NAALADL2: variants seen among roughly 807,000 people sequenced by gnomAD.
The protein encoded by NAALADL2 is inactive N-acetylated-alpha-linked acidic dipeptidase-like protein 2.
Under a neutral mutation model 87.2 loss-of-function variants are expected in NAALADL2, and 76 were observed. The observed-to-expected ratio is 0.87, with a 90% CI of 0.72 to 1.05. The LOEUF is 1.05. Ranked by LOEUF, NAALADL2 falls within the 50% of genes least tolerant of loss-of-function variation. NAALADL2 has a pLI of 0.00. For missense variants in NAALADL2, 1,089 were observed against 945.8 expected (o/e 1.15, Z -1.99); for synonymous variants, 354 against 331.0 (o/e 1.07, Z -0.75).
chr3:175,519,628 G>C (rs776592446), intron 9 of NAALADL2, among the ~76,000 whole-genome samples: 1 of 152,100 alleles, frequency 6.6e-6, no homozygotes, highest in Non-Finnish European at 1.5e-5. Flanking sequence ...GATCTGACTT[G>C]TACATTAATC....
intron 2 of NAALADL2, among the ~76,000 whole-genome samples, chr3:174,615,592 G>A (rs1720379914): frequency 6.6e-6 from 1 of 152,034 alleles, no homozygotes; most frequent in South Asian, 2.1e-4. Context: ...AATCTGGTTT[G>A]CTTTTCTTAG....
intron 5 of NAALADL2, among the ~76,000 whole-genome samples, chr3:175,424,780 C>T (rs1035731868): frequency 1.3e-5 from 2 of 152,068 alleles, no homozygotes; most frequent in African/African-American, 4.8e-5. Flanking sequence ...TATGTGCCCT[C>T]ATAGTCTTAA....
Position 174,562,213 on chromosome 3 carries a change from A to G in NAALADL2, c.-115+11576A>G, listed in dbSNP as rs1445110335. ...TTTCTACTTAACTCAACTATTAGGCATTATAGGAAGAAGGCATTTTAAAGC... is the reference window on the plus strand; with the variant it reads ...TTTCTACTTAACTCAACTATTAGGCGTTATAGGAAGAAGGCATTTTAAAGC... On this transcript the variant is annotated intron_variant, in intron 2 of 3. Transcript: ENST00000434257. Among the ~76,000 whole-genome samples the G allele has an allele frequency of 2.0e-5, 3 of 152,196 alleles. No homozygotes were observed. In the East Asian group the frequency reaches 5.8e-4, roughly 29 times the overall value.
chr3:174,866,809 AG>A lies in NAALADL2; in HGVS notation c.43+7360del, dbSNP rs1329809175. Among the ~76,000 whole-genome samples the A allele has an allele frequency of 1.3e-3, 203 of 151,962 alleles. 1 individual carries two copies. The highest frequency in any genetic ancestry group is 0.01 in the Middle Eastern group (3 of 294). ...TAGGTAAATAGGAATTTGGAGAAAA[AG>A]AAAAAAATTACTAAGAAAATATTAA... On this transcript the variant is annotated intron_variant, in intron 1 of 13. Transcript: ENST00000454872.
At chr3:175,523,290 G>A (rs888066132) in intron 9 of NAALADL2, among the ~76,000 whole-genome samples, 1 of 152,146 alleles carries the variant, frequency 6.6e-6, no homozygotes, top group African/African-American at 2.4e-5. Flanking sequence ...CAGAAATGCT[G>A]CTAAATATTC....
At chr3:174,742,146 T>A (rs1467977269) in intron 3 of NAALADL2, among the ~76,000 whole-genome samples, 1 of 151,708 alleles carries the variant, frequency 6.6e-6, no homozygotes, top group Non-Finnish European at 1.5e-5. Context: ...ACATTTTAAA[T>A]AAAACTCTTT....
intron 9 of NAALADL2, among the ~76,000 whole-genome samples, chr3:175,523,378 C>G (rs1013092105): frequency 1.3e-5 from 2 of 152,104 alleles, no homozygotes; most frequent in African/African-American, 4.8e-5. Flanking sequence ...AGTTTAGAAA[C>G]CTTGCTGTAG....
At chr3:175,255,880 T>C (rs1395043096) in intron 3 of NAALADL2, among the ~76,000 whole-genome samples, 2 of 152,172 alleles carry the variant, frequency 1.3e-5, no homozygotes, top group Non-Finnish European at 2.9e-5. Flanking sequence ...ACAGGTTGTA[T>C]TCTGCACGAC....
At chr3:175,670,519 A>AC (rs1733838971) in intron 11 of NAALADL2, among the ~76,000 whole-genome samples, 1 of 147,290 alleles carries the variant, frequency 6.8e-6, no homozygotes, top group Admixed American at 6.8e-5. Flanking sequence ...TTAAATTTAT[A>AC]TTAAATGTAA....
intron 7 of NAALADL2, among the ~76,000 whole-genome samples, chr3:175,466,626 T>A (rs1724064217): frequency 6.6e-6 from 1 of 152,202 alleles, no homozygotes; most frequent in Non-Finnish European, 1.5e-5. Flanking sequence ...TAATATTTAC[T>A]GAGCATGCAT....
intron 1 of NAALADL2, among the ~76,000 whole-genome samples, chr3:174,974,816 G>C (rs922692974): frequency 6.6e-6 from 1 of 152,110 alleles, no homozygotes; most frequent in African/African-American, 2.4e-5. Context: ...AAGAGGGAGA[G>C]AGAGGCAAAA....
chr3:175,260,265 A>T (rs188906003), intron 4 of NAALADL2, among the ~76,000 whole-genome samples: 61 of 152,126 alleles, frequency 4.0e-4, no homozygotes, highest in African/African-American at 1.3e-3. Context: ...AAATAAATTT[A>T]AAAAAAATTT....
intron 9 of NAALADL2, among the ~76,000 whole-genome samples, chr3:175,502,282 T>C (rs1323072895): frequency 3.3e-5 from 5 of 151,668 alleles, no homozygotes; most frequent in African/African-American, 1.2e-4. Flanking sequence ...TGTGTTTGGA[T>C]GAGATTAACA....
In NAALADL2 at chr3:174,453,286, A is replaced by G. The variant is rs1257953416; in HGVS notation, c.-184+12254A>G. Among the ~76,000 whole-genome samples the G allele has an allele frequency of 2.6e-5, 4 of 152,208 alleles. No individual in the cohort carries two copies. The East Asian group carries it at 7.7e-4, about 29-fold the overall frequency. On this transcript the variant is annotated intron_variant, in intron 1 of 3. Coordinates refer to the NAALADL2 transcript ENST00000434257. ...CCCTCTGAGAAATATGGGATTACAT[A>G]AAGAGACCAAATCTACAACTTATTT...
chr3:175,116,721 T>C (rs1725244091), intron 2 of NAALADL2, among the ~76,000 whole-genome samples: 1 of 150,744 alleles, frequency 6.6e-6, no homozygotes, highest in Non-Finnish European at 1.5e-5. Context: ...TTCACAGAAT[T>C]GGAAAAACAA....
chr3:175,171,246 A>G (rs1734758237), intron 2 of NAALADL2, among the ~76,000 whole-genome samples: 1 of 152,042 alleles, frequency 6.6e-6, no homozygotes, highest in African/African-American at 2.4e-5. Context: ...GAAGCAGTGT[A>G]TACTGGACAC....
chr3:175,168,264 C>A (rs1002273016), intron 2 of NAALADL2, among the ~76,000 whole-genome samples: 3 of 151,694 alleles, frequency 2.0e-5, no homozygotes, highest in Admixed American at 6.6e-5. Context: ...CTTAAGGAAT[C>A]AAAAAATCTG....
At chr3:174,850,309 C>G (rs1271915099) in intron 3 of NAALADL2, among the ~76,000 whole-genome samples, 1 of 152,016 alleles carries the variant, frequency 6.6e-6, no homozygotes, top group African/African-American at 2.4e-5. Context: ...GCCTCTTTTG[C>G]TGCTTTTAGA....
At position 175,213,832 on chromosome 3, in the gene NAALADL2, G is replaced by A. The variant is rs1057297010; in HGVS notation, c.546-20099G>A. On this transcript the variant is annotated intron_variant, in intron 2 of 13. Coordinates refer to ENST00000454872, the MANE Select transcript of NAALADL2 (RefSeq NM_207015.3). ...AGAGGCAGAGTAGATATTTGAACAC[G>A]ATTTGTCTCCAGAACCACACTTTTG... 4.6e-5 allele frequency among the ~76,000 whole-genome samples: 7 copies of A among 152,020 alleles called. No individual in the cohort carries two copies. The South Asian group carries it at 8.3e-4, about 18-fold the overall frequency.
Sources: allele counts gnomAD v4.1 joint callset (sites outside exome capture counted in the v4.1 genomes callset), GRCh38; gene constraint gnomAD v4.1.1; transcripts MANE v1.5; gene names NCBI Gene and HGNC (gene_info 2026-07-23, HGNC 2026-07-21).